The following DLGAP2 variants were observed in gnomAD, a reference collection of about 807,000 sequenced individuals.
DLGAP2 encodes the protein disks large-associated protein 2.
DLGAP2 carries 26 observed loss-of-function variants against 100.3 expected under a neutral mutation model. That is an observed-to-expected ratio of 0.26 (90% CI 0.19 to 0.36). DLGAP2 has a LOEUF of 0.36. Among genes scored for constraint, DLGAP2 ranks in the 10% least tolerant of loss-of-function variants. DLGAP2 has a pLI of 1.00. For synonymous variants in DLGAP2, 886 were observed against 630.1 expected, an observed-to-expected ratio of 1.41 and a Z score of -6.08; for missense variants, 1,858 against 1,453.2, an observed-to-expected ratio of 1.28 and a Z score of -4.53.
chr8:894,843 A>G (rs113752776), intron 1 of DLGAP2, among the ~76,000 whole-genome samples: 1 of 3,434 alleles, frequency 2.9e-4, no homozygotes, highest in Non-Finnish European at 5.0e-4. Flanking sequence ...AACAGAGTGG[A>G]GGCTGGCAGG....
intron 3 of DLGAP2, among the ~76,000 whole-genome samples, chr8:1,323,525 G>A (rs1402201830): frequency 6.6e-6 from 1 of 152,196 alleles, no homozygotes; most frequent in African/African-American, 2.4e-5. Flanking sequence ...CAGTACCAGG[G>A]CGAGTGTAGT....
intron 6 of DLGAP2, among the ~76,000 whole-genome samples, chr8:1,607,365 T>C (rs1796833885): frequency 1.3e-5 from 2 of 152,216 alleles, no homozygotes. Context: ...GACAAATGAT[T>C]GGAGGATTTC....
rs371803069 is a variant in DLGAP2 at position 954,226 on chromosome 8, A to G, written c.73+46260A>G. Reference sequence around the variant, plus strand: ...TGTGTAGTGAGAAAATTCGAGATCTATTCTCAGCACATTTTATGTGCGCAA... The same window carrying G: ...TGTGTAGTGAGAAAATTCGAGATCTGTTCTCAGCACATTTTATGTGCGCAA... On this transcript the variant is annotated intron_variant, in intron 2 of 14. Coordinates refer to ENST00000637795, the MANE Select transcript of DLGAP2 (RefSeq NM_001346810.2). Among the ~76,000 whole-genome samples, 235 of 152,322 alleles carry G rather than the reference A, an allele frequency of 1.5e-3. 9 individuals carry two copies. The South Asian group carries it at 0.047, about 31-fold the overall frequency.
At chr8:1,326,380 C>T (rs534254048) in intron 3 of DLGAP2, among the ~76,000 whole-genome samples, 1 of 152,356 alleles carries the variant, frequency 6.6e-6, no homozygotes, top group East Asian at 1.9e-4. Context: ...GTACCACATT[C>T]TAACAAAACT....
In DLGAP2 at chr8:1,468,751, A is replaced by G. The variant is rs554483769; in HGVS notation, c.107-32615A>G. ...GCCATTCTGGATGCCAGAAGACCAA[A>G]GCTGAGGCATGGGCAGAGCTGCACT... On this transcript the variant is annotated intron_variant, in intron 3 of 14. Transcript: ENST00000637795. Among the ~76,000 whole-genome samples the G allele has an allele frequency of 7.4e-3, 1,124 of 152,290 alleles. 14 individuals carry two copies. Among genetic ancestry groups the G allele is most frequent in the African/African-American group, 0.026 (1,065 of 41,554 alleles).
chr8:959,533 C>G (rs1345493200), intron 2 of DLGAP2, among the ~76,000 whole-genome samples: 1 of 152,226 alleles, frequency 6.6e-6, no homozygotes, highest in Non-Finnish European at 1.5e-5. Context: ...CCTTGTGCAA[C>G]AGAAAGCTCT....
At chr8:809,333 T>A (rs2132667945) in intron 1 of DLGAP2, among the ~76,000 whole-genome samples, 1 of 152,382 alleles carries the variant, frequency 6.6e-6, no homozygotes, top group East Asian at 1.9e-4. Flanking sequence ...TCTTTCTCAC[T>A]ATTTGAAACT....
intron 6 of DLGAP2, chr8:1,604,607 G>T (rs1205893091): frequency 6.6e-6 from 1 of 152,216 alleles, no homozygotes; most frequent in Non-Finnish European, 1.5e-5. Flanking sequence ...CGTGATCCTG[G>T]AATCTATATT....
chr8:1,288,973 C>T (rs1800000040), intron 3 of DLGAP2, among the ~76,000 whole-genome samples: 1 of 152,152 alleles, frequency 6.6e-6, no homozygotes, highest in African/African-American at 2.4e-5. Flanking sequence ...GTCATTTATG[C>T]ATTAGAGTTA....
chr8:795,567 G>A (rs1416111245), intron 1 of DLGAP2, among the ~76,000 whole-genome samples: 2 of 152,118 alleles, frequency 1.3e-5, no homozygotes, highest in African/African-American at 4.8e-5. Context: ...CCTTTCAACT[G>A]CAGTGGAAAA....
intron 1 of DLGAP2, among the ~76,000 whole-genome samples, chr8:883,884 T>G (rs1797869663): frequency 6.6e-6 from 1 of 152,160 alleles, no homozygotes; most frequent in South Asian, 2.1e-4. Flanking sequence ...AGTGAGAACA[T>G]GTGGTGTTGG....
At chr8:1,619,799 G>C (rs1201537385) in intron 6 of DLGAP2, 1 of 152,228 alleles carries the variant, frequency 6.6e-6, no homozygotes, top group Non-Finnish European at 1.5e-5. Flanking sequence ...GTTGGCGAGA[G>C]GTTGAGCCAG....
intron 3 of DLGAP2, among the ~76,000 whole-genome samples, chr8:1,428,117 GAA>G (rs1797289242): frequency 6.6e-6 from 1 of 151,030 alleles, no homozygotes; most frequent in African/African-American, 2.4e-5. Flanking sequence ...ATAAGAGAAA[GAA>G]AATGATAAAT....
intron 2 of DLGAP2, among the ~76,000 whole-genome samples, chr8:1,129,090 T>C (rs1394307091): frequency 1.3e-5 from 2 of 152,148 alleles, no homozygotes; most frequent in Admixed American, 6.5e-5. Flanking sequence ...TGTACAGACA[T>C]GGACATTGGA....
At chr8:1,236,290 G>A (rs367793222) in intron 2 of DLGAP2, among the ~76,000 whole-genome samples, 6 of 43,774 alleles carry the variant, frequency 1.4e-4, no homozygotes, top group East Asian at 8.4e-4. Flanking sequence ...CTCACATGGC[G>A]CCGTGTCTAG....
At chr8:1,628,578 C>T (rs369370681) in intron 7 of DLGAP2, among the ~76,000 whole-genome samples, 100 of 144,466 alleles carry the variant, frequency 6.9e-4, no homozygotes, top group African/African-American at 2.2e-3. Context: ...GAGCTTGAGC[C>T]GACCTCACAT....
intron 3 of DLGAP2, among the ~76,000 whole-genome samples, chr8:1,475,935 A>G (rs932941808): frequency 2.6e-5 from 4 of 152,176 alleles, no homozygotes; most frequent in African/African-American, 9.7e-5. Context: ...TGTCTTCTTC[A>G]TTATAAAGAA....
chr8:1,502,589 G>A (rs1039098710), intron 4 of DLGAP2, among the ~76,000 whole-genome samples: 12 of 152,230 alleles, frequency 7.9e-5, no homozygotes, highest in Middle Eastern at 3.4e-3. Context: ...AAAGTATTTC[G>A]ACTTCTCATT....
At chr8:1,679,548 G>A (rs1038357643) in intron 12 of DLGAP2, among the ~76,000 whole-genome samples, 4 of 152,244 alleles carry the variant, frequency 2.6e-5, no homozygotes, top group South Asian at 2.1e-4. Context: ...TGGGAGGGCC[G>A]TGTCATTCTT....
Sources: gnomAD v4.1 joint callset for allele counts (sites outside exome capture counted in the v4.1 genomes callset) on GRCh38, gnomAD v4.1.1 for gene constraint, MANE v1.5 for transcripts, NCBI Gene and HGNC (gene_info 2026-07-23, HGNC 2026-07-21) for gene names.